GABRA3: variants seen among roughly 807,000 people sequenced by gnomAD.
GABRA3 encodes gamma-aminobutyric acid receptor subunit alpha-3.
A neutral mutation model predicts 30.1 loss-of-function variants in GABRA3; 10 were observed. That is an observed-to-expected ratio of 0.33 (90% CI 0.20 to 0.56). GABRA3 has a LOEUF of 0.56. Ranked by LOEUF, GABRA3 falls within the 20% of genes least tolerant of loss-of-function variation. The pLI is 0.89. For missense variants in GABRA3, 233 were observed against 392.0 expected (o/e 0.59, Z 3.42); for synonymous variants, 151 against 146.8 (o/e 1.03, Z -0.21).
chrX:152,407,732 G>C (rs1209073901), intron 1 of GABRA3, among the ~76,000 whole-genome samples: 1 of 111,700 alleles, frequency 9.0e-6, no homozygotes, highest in African/African-American at 3.3e-5. Context: ...TATGAGGCCA[G>C]TATTACACCA....
At chrX:152,266,938 A>G (rs1343319161) in intron 4 of GABRA3, among the ~76,000 whole-genome samples, 2 of 111,482 alleles carry the variant, frequency 1.8e-5, no homozygotes, top group African/African-American at 6.5e-5. Flanking sequence ...AATTATCATG[A>G]AAAGAACTAC....
At chrX:152,235,985 AT>A (rs796722671) in intron 5 of GABRA3, among the ~76,000 whole-genome samples, 1,995 of 87,203 alleles carry the variant, frequency 0.023, 56 homozygotes, top group African/African-American at 0.076. Context: ...GGGTATCTTT[AT>A]TTTTTTTTTA....
chrX:152,253,620 G>C (rs758186184), intron 5 of GABRA3, among the ~76,000 whole-genome samples: 41 of 111,620 alleles, frequency 3.7e-4, no homozygotes, highest in Non-Finnish European at 7.2e-4. Flanking sequence ...TGCTAATCTA[G>C]ACTATTTCAG....
intron 5 of GABRA3, among the ~76,000 whole-genome samples, chrX:152,238,164 C>A (rs1938269036): frequency 9.4e-6 from 1 of 105,900 alleles, no homozygotes; most frequent in East Asian, 3.2e-4. Flanking sequence ...TGAAATACAT[C>A]CCATCAATAC....
intron 7 of GABRA3, among the ~76,000 whole-genome samples, chrX:152,199,646 A>G (rs1040965392): frequency 1.8e-5 from 2 of 111,189 alleles, no homozygotes; most frequent in Non-Finnish European, 3.8e-5. Context: ...TATATTAGAC[A>G]TCACTACTTG....
At chrX:152,321,184 A>C (rs1317082214) in intron 3 of GABRA3, among the ~76,000 whole-genome samples, 1 of 111,365 alleles carries the variant, frequency 9.0e-6, no homozygotes, top group African/African-American at 3.3e-5. Context: ...TCACTTCAGC[A>C]AGCAGGGCCT....
intron 4 of GABRA3, among the ~76,000 whole-genome samples, chrX:152,276,813 C>A (rs2124432938): frequency 9.0e-6 from 1 of 111,620 alleles, no homozygotes; most frequent in East Asian, 2.8e-4. Flanking sequence ...ACAAAAGCCA[C>A]TATTTGTTAT....
In GABRA3 at chrX:152,167,698, G is replaced by T; in HGVS notation, c.*530C>A. ...ATTTCCAAACCAATAAATGGGTTGG[G>T]GGTGTAGAACTGGCTCCCACCTTTG... On this transcript the variant is annotated 3_prime_UTR_variant, in exon 10 of 10. Transcript: ENST00000370314. 8.5e-6 allele frequency: 1 copy of T among 117,141 alleles called. No homozygotes were observed. The highest frequency in any genetic ancestry group is 1.8e-5 in the Non-Finnish European group (1 of 55,523). The allele number at this position is 117,141 out of a possible 1,213,427, so 9.7% of individuals were successfully genotyped here.
intron 9 of GABRA3, among the ~76,000 whole-genome samples, chrX:152,182,658 ATAGTGTATATATACACTATATATACAC>A (rs1377713336): frequency 2.1e-4 from 18 of 87,398 alleles, no homozygotes; most frequent in Non-Finnish European, 3.2e-4. Context: ...ATATACATAT[ATAGTGTATATATACACTATATATACAC>A]TATATATGTA....
At chrX:152,199,098 CAAG>C (rs1569353283) in intron 7 of GABRA3, among the ~76,000 whole-genome samples, 7 of 111,032 alleles carry the variant, frequency 6.3e-5, no homozygotes, top group East Asian at 2.9e-4. Context: ...TGCGGTGGCT[CAAG>C]CCTGCCTGTA....
chrX:152,341,852 G>C (rs1248912071), intron 3 of GABRA3, among the ~76,000 whole-genome samples: 1 of 109,058 alleles, frequency 9.2e-6, no homozygotes, highest in African/African-American at 3.3e-5. Context: ...ACTTTATTTT[G>C]TTTTATTTTA....
intron 3 of GABRA3, among the ~76,000 whole-genome samples, chrX:152,305,700 T>C (rs1235996670): frequency 9.0e-6 from 1 of 111,599 alleles, no homozygotes; most frequent in Non-Finnish European, 1.9e-5. Context: ...GATGATTATA[T>C]ACCACCACAA....
At chrX:152,270,072 G>A (rs1938901080) in intron 4 of GABRA3, among the ~76,000 whole-genome samples, 1 of 111,605 alleles carries the variant, frequency 9.0e-6, no homozygotes, top group African/African-American at 3.3e-5. Flanking sequence ...CAGAACAGGA[G>A]GAAATATTTG....
At position 152,182,256 on chromosome X, in the gene GABRA3, T is replaced by C. The variant is rs1302835567; in HGVS notation, c.1143+7474A>G. 3.8e-5 allele frequency among the ~76,000 whole-genome samples: 4 copies of C among 105,471 alleles called. No homozygotes were observed. In the East Asian group the frequency reaches 1.2e-3, roughly 32 times the overall value. The allele number at this position is 105,471 out of a possible 115,157, so 91.6% of individuals were successfully genotyped here. On this transcript the variant is annotated intron_variant, in intron 9 of 9. Coordinates refer to ENST00000370314, the MANE Select transcript of GABRA3 (RefSeq NM_000808.4). ...CCCACTTGGTCAAGATGAGTATTTT[T>C]TTTAAGTTTATGATTTAACCCTTAC...
chrX:152,368,235 T>C (rs1303404236), intron 1 of GABRA3, among the ~76,000 whole-genome samples: 2 of 111,874 alleles, frequency 1.8e-5, no homozygotes, highest in Non-Finnish European at 3.8e-5. Flanking sequence ...TCTCTTGGAC[T>C]TATTCCTCCT....
At chrX:152,210,171 CAT>C (rs982195335) in intron 6 of GABRA3, among the ~76,000 whole-genome samples, 1 of 111,430 alleles carries the variant, frequency 9.0e-6, no homozygotes, top group Non-Finnish European at 1.9e-5. Context: ...ATATATAAAT[CAT>C]AGTTTTTTGT....
At chrX:152,307,798 C>A (rs1444718063) in intron 3 of GABRA3, among the ~76,000 whole-genome samples, 1 of 111,660 alleles carries the variant, frequency 9.0e-6, no homozygotes, top group Admixed American at 9.5e-5. Context: ...CATGGAGTAG[C>A]CCACTCTCGC....
intron 1 of GABRA3, among the ~76,000 whole-genome samples, chrX:152,420,875 C>T (rs1377027500): frequency 9.0e-6 from 1 of 110,559 alleles, no homozygotes; most frequent in Non-Finnish European, 1.9e-5. Context: ...ATAATTCTCA[C>T]GTGTCAAGGT....
intron 3 of GABRA3, among the ~76,000 whole-genome samples, chrX:152,326,241 A>C (rs1940055498): frequency 8.9e-6 from 1 of 111,798 alleles, no homozygotes; most frequent in South Asian, 3.8e-4. Context: ...GTGTACCTGA[A>C]AGTGATGGGG....
Sources: allele counts gnomAD v4.1 joint callset (sites outside exome capture counted in the v4.1 genomes callset), GRCh38; gene constraint gnomAD v4.1.1; transcripts MANE v1.5; gene names NCBI Gene and HGNC (gene_info 2026-07-23, HGNC 2026-07-21).